CBLIF: variants seen among roughly 807,000 people sequenced by gnomAD.
CBLIF encodes gastric intrinsic factor (vitamin B synthesis).
A neutral mutation model predicts 44.9 loss-of-function variants in CBLIF; 24 were observed. That is an observed-to-expected ratio of 0.53 (90% CI 0.39 to 0.75). The LOEUF is 0.75. Among genes scored for constraint, CBLIF ranks in the 30% least tolerant of loss-of-function variants. The pLI, the probability that CBLIF is intolerant of heterozygous loss-of-function variation, is 0.00. For missense variants in CBLIF, 481 were observed against 513.0 expected, an observed-to-expected ratio of 0.94 and a Z score of 0.60; for synonymous variants, 183 against 190.9, an observed-to-expected ratio of 0.96 and a Z score of 0.34.
chr11:59,839,759 C>T (rs1054110184), intron 5 of CBLIF, among the ~76,000 whole-genome samples: 3 of 152,042 alleles, frequency 2.0e-5, no homozygotes, highest in African/African-American at 7.2e-5. Context: ...AGCTCTAATT[C>T]CCAGGTACAG....
At chr11:59,836,623 C>A (rs924739812) in intron 6 of CBLIF, among the ~76,000 whole-genome samples, 1 of 152,162 alleles carries the variant, frequency 6.6e-6, no homozygotes, top group Non-Finnish European at 1.5e-5. Context: ...ATATTTAGAT[C>A]GTTAAGGCTC....
At chr11:59,840,344 G>C (rs993534159) in intron 5 of CBLIF, among the ~76,000 whole-genome samples, 1 of 152,092 alleles carries the variant, frequency 6.6e-6, no homozygotes, top group Non-Finnish European at 1.5e-5. Context: ...ATCCCCATAG[G>C]ACATTTTGAG....
chr11:59,842,603 C>A lies in CBLIF; in HGVS notation c.371-20G>T, dbSNP rs749432199. 21 of 1,612,094 alleles carry A rather than the reference C, an allele frequency of 1.3e-5. No homozygotes were observed. The African/African-American group carries it at 2.3e-4, about 17-fold the overall frequency. ...TGGGGCCTCCGAAGGGGATAGAGAA[C>A]CTTCATCAGACTCACAGTCACCACG... On this transcript the variant is annotated intron_variant, in intron 3 of 8. Coordinates refer to ENST00000257248, the MANE Select transcript of CBLIF (RefSeq NM_005142.3).
At chr11:59,844,315 T>A (rs551558434) in intron 1 of CBLIF, among the ~76,000 whole-genome samples, 1 of 152,054 alleles carries the variant, frequency 6.6e-6, no homozygotes, top group Non-Finnish European at 1.5e-5. Context: ...TTTTTGTATT[T>A]TTAGTAGAGA....
intron 1 of CBLIF, among the ~76,000 whole-genome samples, chr11:59,844,547 A>G (rs1346411324): frequency 6.6e-6 from 1 of 152,238 alleles, no homozygotes; most frequent in Non-Finnish European, 1.5e-5. Flanking sequence ...TAGTTTCTAC[A>G]TCTTCTCAAA....
intron 4 of CBLIF, 95 bp from the exon 5 acceptor site, chr11:59,841,419 T>A: frequency 1.1e-6 from 1 of 877,554 alleles, no homozygotes; most frequent in Non-Finnish European, 1.9e-6. Flanking sequence ...TCTGGCTCCA[T>A]GATTTTATTT....
chr11:59,831,846 A>C, intron 7 of CBLIF, 50 bp from the exon 8 acceptor site: 1 of 855,254 alleles, frequency 1.2e-6, no homozygotes, highest in Non-Finnish European at 2.0e-6. Context: ...GTCAGGGAAT[A>C]AGCGGTAAGA....
At chr11:59,836,048 G>A in intron 6 of CBLIF, 39 bp from the exon 7 acceptor site, 12 of 1,536,008 alleles carry the variant, frequency 7.8e-6, no homozygotes, top group Non-Finnish European at 1.1e-5. Context: ...CAAAGATTAT[G>A]GGGTTTGTAT....
intron 7 of CBLIF, among the ~76,000 whole-genome samples, chr11:59,833,670 G>A (rs1866404278): frequency 6.6e-6 from 1 of 152,174 alleles, no homozygotes; most frequent in Non-Finnish European, 1.5e-5. Flanking sequence ...GTATCACTCA[G>A]TTGTCAATTC....
chr11:59,834,252 CTTTCTTTCTT>C (rs1447178191), intron 7 of CBLIF, among the ~76,000 whole-genome samples: 19 of 90,966 alleles, frequency 2.1e-4, no homozygotes, highest in South Asian at 1.2e-3. Context: ...TTCTTTCTTT[CTTTCTTTCTT>C]TCTTTCTTTC....
intron 7 of CBLIF, among the ~76,000 whole-genome samples, chr11:59,832,457 T>G (rs989502514): frequency 2.0e-5 from 3 of 151,874 alleles, no homozygotes; most frequent in Non-Finnish European, 2.9e-5. Flanking sequence ...AACATGCAAA[T>G]GTACCCCAAA....
At chr11:59,839,695 C>T (rs930876705) in intron 5 of CBLIF, among the ~76,000 whole-genome samples, 1 of 152,130 alleles carries the variant, frequency 6.6e-6, no homozygotes, top group African/African-American at 2.4e-5. Context: ...GACAAGAAAT[C>T]CACATGGCCT....
chr11:59,840,378 T>G (rs113362829), intron 5 of CBLIF, among the ~76,000 whole-genome samples: 1 of 152,138 alleles, frequency 6.6e-6, no homozygotes, highest in Admixed American at 6.5e-5. Flanking sequence ...AACTTCTTAG[T>G]TGGGATTAGA....
rs747371906 is a variant in CBLIF at position 59,831,658 on chromosome 11, T to C, written c.1192+20A>G. ...CCTTCAGACTATGGAAGATAACGCC[T>C]ATGTCTTTTCTTCCCTCACCTTCAT... On this transcript the variant is annotated intron_variant, in intron 8 of 8. Coordinates refer to ENST00000257248, the MANE Select transcript of CBLIF (RefSeq NM_005142.3). The C allele has an allele frequency of 2.0e-6, 2 of 1,014,122 alleles. No individual in the cohort carries two copies. Among genetic ancestry groups the C allele is most frequent in the Non-Finnish European group, 3.2e-6 (2 of 631,598 alleles). 62.8% of individuals were successfully genotyped at this position (1,014,122 alleles called of 1,614,324 possible). A position where few individuals can be genotyped will look rare whatever the true frequency, so the allele number is the denominator to read the frequency against.
chr11:59,834,226 CTTTCTTTCTTTCTTTT>C (rs1565207296), intron 7 of CBLIF, among the ~76,000 whole-genome samples: 4 of 148,822 alleles, frequency 2.7e-5, no homozygotes, highest in African/African-American at 1.0e-4. Context: ...CTTTCTGTTT[CTTTCTTTCTTTCTTTT>C]TCTTTCTTTC....
chr11:59,842,336 G>T, intron 4 of CBLIF, 107 bp downstream of exon 4: 12 of 1,238,290 alleles, frequency 9.7e-6, no homozygotes, highest in African/African-American at 1.5e-5. Flanking sequence ...CACATCCTTA[G>T]CTCCTCCTCC....
At position 59,841,213 on chromosome 11, in the gene CBLIF, T is replaced by G. The variant is rs1866523043; in HGVS notation, c.623A>C (p.Glu208Ala). The change falls in exon 5 of 9, where the codon GAG becomes GCG. Residue 208 changes from glutamate (E) to alanine (A), a missense_variant. Transcript: ENST00000257248. ...ATCTTTGATCTTCATGCTGATTTTC[T>G]CCACAATATCCTTTAGTACCTGACC... The part of the protein sequence containing the change: ...LFGQVLKDIV[E>A]KISMKIKDNG... The G allele has an allele frequency of 6.2e-6, 10 of 1,613,362 alleles. No homozygotes were observed. The highest frequency in any genetic ancestry group is 8.5e-6 in the Non-Finnish European group (10 of 1,179,242).
At chr11:59,834,871 G>A (rs1027472470) in intron 7 of CBLIF, among the ~76,000 whole-genome samples, 8 of 152,220 alleles carry the variant, frequency 5.3e-5, no homozygotes, top group African/African-American at 9.6e-5. Flanking sequence ...GTGTGGGTCC[G>A]TGTATCCCAG....
At chr11:59,834,307 T>TTC (rs1866421735) in intron 7 of CBLIF, among the ~76,000 whole-genome samples, 1,572 of 46,542 alleles carry the variant, frequency 0.034, 20 homozygotes, top group African/African-American at 0.042. Context: ...TTTCTTTCTT[T>TTC]CTTTCTTCCT....
Sources: allele counts gnomAD v4.1 joint callset (sites outside exome capture counted in the v4.1 genomes callset), GRCh38; gene constraint gnomAD v4.1.1; transcripts MANE v1.5; gene names NCBI Gene and HGNC (gene_info 2026-07-23, HGNC 2026-07-21).